ANK1: variants seen among roughly 807,000 people sequenced by gnomAD.
The protein encoded by ANK1 is ankyrin 1.
Under a neutral mutation model 210.4 loss-of-function variants are expected in ANK1, and 51 were observed. The ratio of observed to expected loss-of-function variants is 0.24; its 90% CI spans 0.19 to 0.31. The LOEUF (loss-of-function observed/expected upper bound fraction) is 0.31, where lower values mean the gene tolerates loss of function less well. Ranked by LOEUF, ANK1 falls within the 10% of genes least tolerant of loss-of-function variation. The probability of loss-of-function intolerance (pLI) is 1.00; values close to 1 mark genes in which losing one functional copy is unlikely to be tolerated. For synonymous variants in ANK1, 967 were observed against 1,025.9 expected (o/e 0.94, Z 1.10); for missense variants, 2,051 against 2,504.4 (o/e 0.82, Z 3.86).
At chr8:41,747,301 C>T (rs1465025311) in intron 2 of ANK1, among the ~76,000 whole-genome samples, 1 of 152,004 alleles carries the variant, frequency 6.6e-6, no homozygotes, top group African/African-American at 2.4e-5. Context: ...TTCAGCGTTT[C>T]CTCTAACAAG....
intron 36 of ANK1, among the ~76,000 whole-genome samples, chr8:41,685,074 G>A (rs1817350601): frequency 6.6e-6 from 1 of 152,152 alleles, no homozygotes; most frequent in South Asian, 2.1e-4. Context: ...GATTACAGGT[G>A]CATGCCACCA....
chr8:41,804,846 T>C (rs1248043473), intron 1 of ANK1, among the ~76,000 whole-genome samples: 2 of 152,140 alleles, frequency 1.3e-5, no homozygotes, highest in African/African-American at 4.8e-5. Context: ...GTGACCTCAG[T>C]CATTTTAAAA....
intron 37 of ANK1, among the ~76,000 whole-genome samples, chr8:41,673,244 T>G (rs1182316877): frequency 6.6e-6 from 1 of 152,156 alleles, no homozygotes; most frequent in Non-Finnish European, 1.5e-5. Context: ...GAAGCCTTTA[T>G]CCAAAGGACT....
intron 1 of ANK1, among the ~76,000 whole-genome samples, chr8:41,770,259 G>T (rs1174738645): frequency 6.6e-6 from 1 of 152,018 alleles, no homozygotes; most frequent in African/African-American, 2.4e-5. Flanking sequence ...TTGGGATTAC[G>T]GGCGTGAGCC....
In ANK1 at chr8:41,690,477, T is replaced by C; in HGVS notation, c.3981A>G (p.Val1327=). 3 of 1,614,198 alleles carry C rather than the reference T, an allele frequency of 1.9e-6. No homozygotes were observed. The Admixed American group carries it at 5.0e-5, about 27-fold the overall frequency. The change falls in exon 32 of 43, where the codon GTA becomes GTG. Residue 1327 remains valine (V), a synonymous_variant. Transcript: ENST00000289734. ...SFRENRLAMP[V]KVRDSSREPG... is the part of the protein sequence containing the mutation. ...CTCAGCCAGAGGGTGCCGGCACCTT[T>C]ACAGGCATGGCCAGACGGTTCTCCC...
chr8:41,717,052 C>A lies in ANK1; in HGVS notation c.1306-1G>T. ...CCATGTGTAGCGGGGTCTCCACTTT[C>A]TATAAAATAACAAAATTATAGAACT... On this transcript the variant is annotated splice_acceptor_variant, in intron 12 of 42. Transcript: ENST00000289734. LOFTEE classifies it high-confidence loss of function. The A allele has an allele frequency of 6.2e-7, 1 of 1,614,170 alleles. No homozygotes were observed. Among genetic ancestry groups the A allele is most frequent in the Non-Finnish European group, 8.5e-7 (1 of 1,179,994 alleles).
intron 1 of ANK1, among the ~76,000 whole-genome samples, chr8:41,825,103 C>T (rs937532268): frequency 1.3e-5 from 2 of 152,228 alleles, no homozygotes; most frequent in African/African-American, 2.4e-5. Flanking sequence ...GGGCTGAGCC[C>T]GGCTACTTCC....
chr8:41,724,133 T>A (rs1830078095), intron 7 of ANK1, among the ~76,000 whole-genome samples: 1 of 152,262 alleles, frequency 6.6e-6, no homozygotes, highest in African/African-American at 2.4e-5. Flanking sequence ...GGATGGGTCA[T>A]CCCACCACAC....
At chr8:41,748,892 G>A (rs1001112512) in intron 2 of ANK1, among the ~76,000 whole-genome samples, 7 of 152,176 alleles carry the variant, frequency 4.6e-5, no homozygotes, top group East Asian at 3.9e-4. Flanking sequence ...AAAATTAGCC[G>A]GGCGTGGTGG....
chr8:41,760,661 T>G (rs1043991416), intron 1 of ANK1, among the ~76,000 whole-genome samples: 2 of 152,224 alleles, frequency 1.3e-5, no homozygotes, highest in Admixed American at 6.5e-5. Flanking sequence ...TAGACACCGT[T>G]GGCTTCTATT....
In ANK1 at chr8:41,688,217, C is replaced by T. The variant is rs919038489; in HGVS notation, c.4197G>A (p.Gly1399=). The T allele has an allele frequency of 6.2e-7, 1 of 1,614,082 alleles. No individual in the cohort carries two copies. Among genetic ancestry groups the T allele is most frequent in the African/African-American group, 1.3e-5 (1 of 74,924 alleles). ...LSESTPGSLS[G]TEQAEMKMAV... ...CCATCTTCATCTCTGCCTGCTCTGT[C>T]CCACTGAGAGAACCTGGGGAGAAGC... is the stretch of plus-strand genomic sequence containing the variant. The change falls in exon 35 of 43, where the codon GGG becomes GGA. Residue 1399 remains glycine (G), a synonymous_variant. Coordinates refer to ENST00000289734, the MANE Select transcript of ANK1 (RefSeq NM_000037.4).
At position 41,695,476 on chromosome 8, in the gene ANK1, G is replaced by A. The variant is rs796445290; in HGVS notation, c.2961-145C>T. ...GCCCCACCTGCAGGCAGGTCTCTAA[G>A]TGGACCAGACCCATGGGGAGGTTCC... On this transcript the variant is annotated intron_variant, in intron 26 of 42. Coordinates refer to ENST00000289734, the MANE Select transcript of ANK1 (RefSeq NM_000037.4). The A allele has an allele frequency of 2.9e-5, 34 of 1,174,108 alleles. 1 individual carries two copies. The South Asian group carries it at 4.3e-4, about 15-fold the overall frequency. 72.7% of individuals were successfully genotyped at this position (1,174,108 alleles called of 1,614,324 possible). A position where few individuals can be genotyped will look rare whatever the true frequency, so the allele number is the denominator to read the frequency against.
At chr8:41,722,999 T>C in intron 9 of ANK1, 126 bp downstream of exon 9, 3 of 868,360 alleles carry the variant, frequency 3.5e-6, no homozygotes, top group South Asian at 2.8e-5. Context: ...TTGTAATAAA[T>C]GTCAAAGGTG....
In ANK1 at chr8:41,696,420, T is replaced by C; in HGVS notation, c.2903A>G (p.Glu968Gly). 8 of 1,613,318 alleles carry C rather than the reference T, an allele frequency of 5.0e-6. No individual in the cohort carries two copies. The highest frequency in any genetic ancestry group is 6.8e-6 in the Non-Finnish European group (8 of 1,179,872). Residue 968 changes from glutamate to glycine, a missense_variant, in exon 26 of 43, where the codon GAG (glutamate) becomes GGG (glycine). Glu to Gly is a moderately conservative substitution (Grantham distance 98). This residue lies in a region of ANK1 where 1,413 missense variants were observed against 1,707.4 expected (regional missense o/e 0.83). Coordinates refer to ENST00000289734, the MANE Select transcript of ANK1 (RefSeq NM_000037.4). ...KLSTPPPLAE[E>G]EGLASRIIAL... The stretch of plus-strand genomic sequence containing the variant: ...TATGATCCTGCTGGCCAGGCCCTCC[T>C]CCTCGGCCAGTGGGGGCGGCGTGCT...
At chr8:41,671,699 C>A (rs1286713659) in intron 38 of ANK1, among the ~76,000 whole-genome samples, 1 of 148,908 alleles carries the variant, frequency 6.7e-6, no homozygotes, top group Non-Finnish European at 1.5e-5. Context: ...CCCCGATGTC[C>A]CTAAGTGAGT....
At chr8:41,874,198 G>A (rs1010978687) in intron 1 of ANK1, among the ~76,000 whole-genome samples, 3 of 152,190 alleles carry the variant, frequency 2.0e-5, no homozygotes, top group African/African-American at 7.2e-5. Context: ...GACCAGGTAT[G>A]GTGCCTGCAC....
intron 39 of ANK1, among the ~76,000 whole-genome samples, chr8:41,666,911 T>C (rs1300544904): frequency 6.6e-6 from 1 of 152,156 alleles, no homozygotes; most frequent in Non-Finnish European, 1.5e-5. Flanking sequence ...TGGTCCACAG[T>C]GCCCTCATTT....
intron 1 of ANK1, among the ~76,000 whole-genome samples, chr8:41,857,508 G>T (rs1812425229): frequency 6.6e-6 from 1 of 151,940 alleles, no homozygotes. Flanking sequence ...GGAAGCCGAG[G>T]CAGGCGAATC....
intron 1 of ANK1, chr8:41,828,764 G>A (rs1805987363): frequency 6.6e-6 from 1 of 152,330 alleles, no homozygotes; most frequent in Admixed American, 6.5e-5. Flanking sequence ...TTGGGGAGAG[G>A]GCATACGGGG....
Sources: gnomAD v4.1 joint callset for allele counts (sites outside exome capture counted in the v4.1 genomes callset) on GRCh38, gnomAD v4.1.1 for gene constraint, gnomAD v4.1.1 regional missense constraint, MANE v1.5 for transcripts, NCBI Gene and HGNC (gene_info 2026-07-23, HGNC 2026-07-21) for gene names.